Variants in ZNF33B observed in about 807,000 individuals in gnomAD.
The protein encoded by ZNF33B is zinc finger protein 11b (KOX 2).
A neutral mutation model predicts 45.8 loss-of-function variants in ZNF33B; 29 were observed. That is an observed-to-expected ratio of 0.63 (90% CI 0.47 to 0.86). The LOEUF (loss-of-function observed/expected upper bound fraction) is 0.86. Ranked by LOEUF, ZNF33B falls within the 40% of genes least tolerant of loss-of-function variation. The probability of loss-of-function intolerance (pLI) is 0.00; values close to 1 mark genes in which losing one functional copy is unlikely to be tolerated. For missense variants in ZNF33B, 831 were observed against 909.9 expected, an observed-to-expected ratio of 0.91 and a Z score of 1.12; for synonymous variants, 305 against 307.8, an observed-to-expected ratio of 0.99 and a Z score of 0.10.
intron 4 of ZNF33B, among the ~76,000 whole-genome samples, chr10:42,628,163 G>T (rs1186169367): frequency 2.0e-5 from 3 of 152,152 alleles, no homozygotes; most frequent in African/African-American, 7.2e-5. Context: ...CTACAGGCAT[G>T]CGCCACCATG....
intron 1 of ZNF33B, among the ~76,000 whole-genome samples, chr10:42,580,991 G>A (rs1426363384): frequency 6.6e-6 from 1 of 152,104 alleles, no homozygotes; most frequent in Non-Finnish European, 1.5e-5. Flanking sequence ...CAGGAGAAGT[G>A]TATCCAGACT....
At chr10:42,635,930 A>C (rs1839281600) in intron 2 of ZNF33B, among the ~76,000 whole-genome samples, 1 of 151,992 alleles carries the variant, frequency 6.6e-6, no homozygotes, top group Non-Finnish European at 1.5e-5. Flanking sequence ...AGATATCGAG[A>C]TCATCCTGGC....
intron 4 of ZNF33B, among the ~76,000 whole-genome samples, chr10:42,615,676 C>T (rs548384088): frequency 2.0e-5 from 3 of 152,170 alleles, no homozygotes; most frequent in African/African-American, 7.2e-5. Flanking sequence ...ATAATCCTGG[C>T]ACTTTGAGAG....
chr10:42,609,659 T>C (rs1298457145), intron 4 of ZNF33B, among the ~76,000 whole-genome samples: 1 of 151,732 alleles, frequency 6.6e-6, no homozygotes, highest in Non-Finnish European at 1.5e-5. Context: ...GACCTATAAA[T>C]CCTCAACAAA....
downstream of ZNF33B, among the ~76,000 whole-genome samples, chr10:42,584,759 G>A (rs146066997): frequency 3.9e-5 from 6 of 152,134 alleles, no homozygotes; most frequent in Non-Finnish European, 8.8e-5. Context: ...GACCTCAGGC[G>A]ATCCACCCAC....
chr10:42,623,019 G>A (rs886665768), intron 4 of ZNF33B, among the ~76,000 whole-genome samples: 63 of 152,280 alleles, frequency 4.1e-4, no homozygotes, highest in African/African-American at 1.3e-3. Context: ...TGTAATCCCA[G>A]CACTTTGGGA....
intron 4 of ZNF33B, among the ~76,000 whole-genome samples, chr10:42,613,772 CAT>C (rs1310153625): frequency 2.0e-5 from 3 of 152,158 alleles, no homozygotes; most frequent in Admixed American, 1.3e-4. Flanking sequence ...GGTTTATGCA[CAT>C]GTGTGTTTCC....
intron 4 of ZNF33B, among the ~76,000 whole-genome samples, chr10:42,619,428 G>A (rs1332705931): frequency 1.3e-5 from 2 of 152,028 alleles, no homozygotes; most frequent in Admixed American, 6.6e-5. Context: ...GAGAAATGAA[G>A]ATAATCCCAG....
At position 42,582,779 on chromosome 10, in the gene ZNF33B, C is replaced by A. The variant is rs536779143; in HGVS notation, c.74-8101G>T. 3.5e-5 allele frequency: 7 copies of A among 201,642 alleles called. No homozygotes were observed. In the South Asian group the frequency reaches 8.5e-4, roughly 24 times the overall value. The allele number at this position is 201,642 out of a possible 1,614,324, so 12.5% of individuals were successfully genotyped here. A position where few individuals can be genotyped will look rare whatever the true frequency, so the allele number is the denominator to read the frequency against. On this transcript the variant is annotated intron_variant, in intron 1 of 1. Coordinates refer to the ZNF33B transcript ENST00000462075. ...GAGGCTGAGCTGGCTGCAGTGTGGACGCTCCTCGGGAGGACAGCAGCTCCA... is the reference window on the plus strand; with the variant it reads ...GAGGCTGAGCTGGCTGCAGTGTGGAAGCTCCTCGGGAGGACAGCAGCTCCA...
At chr10:42,618,768 A>G (rs568062932) in intron 4 of ZNF33B, among the ~76,000 whole-genome samples, 1 of 152,004 alleles carries the variant, frequency 6.6e-6, no homozygotes, top group South Asian at 2.1e-4. Flanking sequence ...TCTTCAAAAA[A>G]TTTTTCTTTC....
rs761327669 is a variant in ZNF33B at position 42,593,500 on chromosome 10, G to A, written c.1450C>T (p.Leu484Phe). Reference sequence around the variant, plus strand: ...ATGTGAGTTCTCTGATGCTGTGTAAGATGTGACTTTTGACAAAAGGATTTC... The same window carrying A: ...ATGTGAGTTCTCTGATGCTGTGTAAAATGTGACTTTTGACAAAAGGATTTC... ...CGKSFCQKSH[L>F]TQHQRTHIGD... The change falls in exon 5 of 5, where the codon CTT (leucine) becomes TTT (phenylalanine). Residue 484 changes from leucine (L) to phenylalanine (F), a missense_variant. Coordinates refer to ENST00000359467, the MANE Select transcript of ZNF33B (RefSeq NM_006955.3). 1 of 1,614,062 alleles carries A rather than the reference G, an allele frequency of 6.2e-7. No homozygotes were observed. Among genetic ancestry groups the A allele is most frequent in the Admixed American group, 1.7e-5 (1 of 60,014 alleles).
intron 4 of ZNF33B, among the ~76,000 whole-genome samples, chr10:42,631,120 T>C (rs1221245433): frequency 1.3e-5 from 2 of 152,212 alleles, no homozygotes; most frequent in Admixed American, 6.5e-5. Flanking sequence ...ATTTCTTTCA[T>C]AGTCTTTAAA....
At chr10:42,619,622 T>C (rs1838484309) in intron 4 of ZNF33B, among the ~76,000 whole-genome samples, 1 of 152,142 alleles carries the variant, frequency 6.6e-6, no homozygotes, top group African/African-American at 2.4e-5. Context: ...TGTAACTCCA[T>C]TTTTTTACTT....
At chr10:42,624,729 T>C (rs1378777385) in intron 4 of ZNF33B, among the ~76,000 whole-genome samples, 3 of 152,184 alleles carry the variant, frequency 2.0e-5, no homozygotes, top group African/African-American at 7.2e-5. Context: ...AATTAACTCA[T>C]GGGTAGCATA....
chr10:42,609,869 T>C (rs1473407066), intron 4 of ZNF33B, among the ~76,000 whole-genome samples: 4 of 152,190 alleles, frequency 2.6e-5, no homozygotes, highest in African/African-American at 9.7e-5. Context: ...CCATCTTCTC[T>C]ATAAAAACAA....
intron 4 of ZNF33B, among the ~76,000 whole-genome samples, chr10:42,611,759 C>T (rs575933372): frequency 3.3e-5 from 5 of 152,206 alleles, no homozygotes; most frequent in African/African-American, 1.2e-4. Context: ...TAAAAGGACA[C>T]ATAACACAAC....
At chr10:42,635,807 TCC>T (rs1839272345) in intron 2 of ZNF33B, among the ~76,000 whole-genome samples, 5 of 124,970 alleles carry the variant, frequency 4.0e-5, no homozygotes, top group African/African-American at 9.0e-5. Flanking sequence ...AGACTCTGTA[TCC>T]AAAAAAAAAA....
At position 42,609,506 on chromosome 10, in the gene ZNF33B, A is replaced by C. The variant is rs1444596885; in HGVS notation, c.251-14807T>G. On this transcript the variant is annotated intron_variant, in intron 4 of 4. Coordinates refer to ENST00000359467, the MANE Select transcript of ZNF33B (RefSeq NM_006955.3). ...ATATGGTTCACTGGAGAATTTTATC[A>C]AACATTTAAAAAGAAGTATCAATTA... Among the ~76,000 whole-genome samples, 3 of 152,314 alleles carry C rather than the reference A, an allele frequency of 2.0e-5. No individual in the cohort carries two copies. In the East Asian group the frequency reaches 5.8e-4, roughly 29 times the overall value.
intron 4 of ZNF33B, among the ~76,000 whole-genome samples, chr10:42,597,853 T>C (rs1837465407): frequency 6.6e-6 from 1 of 152,204 alleles, no homozygotes; most frequent in African/African-American, 2.4e-5. Context: ...CATATAAATT[T>C]ATACAATGGC....
Sources: gnomAD v4.1 joint callset for allele counts (sites outside exome capture counted in the v4.1 genomes callset) on GRCh38, gnomAD v4.1.1 for gene constraint, MANE v1.5 for transcripts, NCBI Gene and HGNC (gene_info 2026-07-23, HGNC 2026-07-21) for gene names.